Variants in DCC observed in about 807,000 individuals in gnomAD.
DCC encodes netrin receptor DCC.
In DCC, 58 loss-of-function variants were observed where a neutral mutation model predicts 172.5. The ratio of observed to expected loss-of-function variants is 0.34; its 90% CI spans 0.27 to 0.42. DCC has a LOEUF of 0.42. Among genes scored for constraint, DCC ranks in the 10% least tolerant of loss-of-function variants. DCC has a pLI of 1.00. For missense variants in DCC, 1,740 were observed against 1,791.0 expected, an observed-to-expected ratio of 0.97 and a Z score of 0.51; for synonymous variants, 709 against 644.5, an observed-to-expected ratio of 1.10 and a Z score of -1.52.
chr18:52,962,201 C>G (rs1160581259), intron 5 of DCC, among the ~76,000 whole-genome samples: 1 of 151,526 alleles, frequency 6.6e-6, no homozygotes, highest in Non-Finnish European at 1.5e-5. Flanking sequence ...ATTTTCACAA[C>G]CTACTTATCT....
intron 2 of DCC, among the ~76,000 whole-genome samples, chr18:52,773,550 A>G (rs10164268): frequency 0.11 from 16,440 of 151,572 alleles, 1,049 homozygotes; most frequent in Middle Eastern, 0.22. Flanking sequence ...ATTTTGAGAC[A>G]GAGTCTCGCT....
intron 19 of DCC, among the ~76,000 whole-genome samples, chr18:53,406,738 A>G (rs1909689376): frequency 6.6e-6 from 1 of 150,470 alleles, no homozygotes; most frequent in Admixed American, 6.6e-5. Context: ...AAAAGAAAAA[A>G]AGTACAGGTA....
intron 15 of DCC, among the ~76,000 whole-genome samples, chr18:53,343,311 C>T (rs1021502784): frequency 6.6e-6 from 1 of 151,864 alleles, no homozygotes; most frequent in Non-Finnish European, 1.5e-5. Flanking sequence ...TCTCTTTAAG[C>T]CTTTTGTGAG....
chr18:52,360,694 T>C (rs1331550074), intron 1 of DCC, among the ~76,000 whole-genome samples: 1 of 152,222 alleles, frequency 6.6e-6, no homozygotes, highest in Non-Finnish European at 1.5e-5. Context: ...CAGAAACTAC[T>C]GTATGATTTT....
intron 12 of DCC, among the ~76,000 whole-genome samples, chr18:53,220,596 G>A (rs1285547501): frequency 6.6e-6 from 1 of 152,142 alleles, no homozygotes; most frequent in African/African-American, 2.4e-5. Flanking sequence ...TTTATTTAAA[G>A]ATAAACTAGA....
At chr18:52,692,236 G>C (rs1175092509) in intron 1 of DCC, among the ~76,000 whole-genome samples, 1 of 151,990 alleles carries the variant, frequency 6.6e-6, no homozygotes, top group Non-Finnish European at 1.5e-5. Context: ...TCAATCTTCT[G>C]TCAAATGGAA....
At chr18:53,226,932 G>A (rs545022681) in intron 12 of DCC, among the ~76,000 whole-genome samples, 325 of 59,142 alleles carry the variant, frequency 5.5e-3, no homozygotes, top group Admixed American at 0.013. Context: ...GTGTGTGTGT[G>A]TGTATATATA....
intron 1 of DCC, among the ~76,000 whole-genome samples, chr18:52,573,374 C>T (rs2144762545): frequency 6.6e-6 from 1 of 152,228 alleles, no homozygotes. Flanking sequence ...ACTAAATCAT[C>T]CTTGAAGTTA....
intron 5 of DCC, among the ~76,000 whole-genome samples, chr18:52,974,105 T>G (rs2041073692): frequency 6.6e-6 from 1 of 152,192 alleles, no homozygotes; most frequent in South Asian, 2.1e-4. Context: ...ATATTATACA[T>G]GTATATAATA....
At chr18:53,035,160 C>CTGTGTGTGTGTGTG (rs56806063) in intron 5 of DCC, among the ~76,000 whole-genome samples, 2 of 148,926 alleles carry the variant, frequency 1.3e-5, no homozygotes, top group East Asian at 2.0e-4. Context: ...AAACATTTAT[C>CTGTGTGTGTGTGTG]TGTGTGTGTG....
At chr18:52,435,331 C>T (rs771129559) in intron 1 of DCC, among the ~76,000 whole-genome samples, 15 of 152,086 alleles carry the variant, frequency 9.9e-5, no homozygotes, top group South Asian at 2.1e-4. Flanking sequence ...GATCTGTCTT[C>T]CTTCAGCAGC....
intron 1 of DCC, among the ~76,000 whole-genome samples, chr18:52,491,299 G>T (rs779369665): frequency 6.6e-6 from 1 of 151,992 alleles, no homozygotes; most frequent in Non-Finnish European, 1.5e-5. Context: ...CAGTCTAATG[G>T]AGGAGAAATA....
At chr18:53,455,715 A>T (rs771185799) in intron 23 of DCC, among the ~76,000 whole-genome samples, 1 of 152,234 alleles carries the variant, frequency 6.6e-6, no homozygotes, top group African/African-American at 2.4e-5. Flanking sequence ...TGATATTATT[A>T]AAAATGTATC....
At chr18:53,415,938 AT>A (rs770135011) in intron 20 of DCC, among the ~76,000 whole-genome samples, 185 bp from the exon 21 acceptor site, 3 of 151,930 alleles carry the variant, frequency 2.0e-5, no homozygotes, top group African/African-American at 7.3e-5. Flanking sequence ...ATTATTTTCA[AT>A]TTTTTTTCTC....
rs12607721 is a variant in DCC at position 52,394,184 on chromosome 18, C to T, written c.91+53306C>T. ...TCAACTCCTATACCCAAGGCATCCT[C>T]GTCTTTCTATTGCTGTGTTGAATGA... On this transcript the variant is annotated intron_variant, in intron 1 of 28. Transcript: ENST00000442544. Among the ~76,000 whole-genome samples the T allele has an allele frequency of 8.7e-4, 133 of 152,196 alleles. 2 individuals carry two copies. The East Asian group carries it at 0.012, about 14-fold the overall frequency.
At chr18:52,778,792 GTT>G (rs1387594136) in intron 2 of DCC, among the ~76,000 whole-genome samples, 1 of 152,090 alleles carries the variant, frequency 6.6e-6, no homozygotes, top group African/African-American at 2.4e-5. Context: ...TCCTCTAAAA[GTT>G]TTGTCACTTT....
intron 12 of DCC, among the ~76,000 whole-genome samples, chr18:53,257,785 G>A (rs1261934857): frequency 1.3e-5 from 2 of 152,156 alleles, no homozygotes; most frequent in Admixed American, 6.5e-5. Flanking sequence ...CAGAAGGAAT[G>A]GTACCAGCTC....
intron 1 of DCC, among the ~76,000 whole-genome samples, chr18:52,632,015 A>G (rs929703459): frequency 6.6e-6 from 1 of 151,964 alleles, no homozygotes; most frequent in African/African-American, 2.4e-5. Context: ...CCCTGGAAAA[A>G]TCTCCTTCAC....
At chr18:53,154,437 G>T (rs1322036623) in intron 7 of DCC, among the ~76,000 whole-genome samples, 1 of 152,142 alleles carries the variant, frequency 6.6e-6, no homozygotes, top group Non-Finnish European at 1.5e-5. Context: ...TAATTAAGAA[G>T]TTTGAAGCTT....
Sources: gnomAD v4.1 joint callset for allele counts (sites outside exome capture counted in the v4.1 genomes callset) on GRCh38, gnomAD v4.1.1 for gene constraint, MANE v1.5 for transcripts, NCBI Gene and HGNC (gene_info 2026-07-23, HGNC 2026-07-21) for gene names.